The following PTPN21 variants were observed in gnomAD, a reference collection of about 807,000 sequenced individuals.
The protein encoded by PTPN21 is protein tyrosine phosphatase non-receptor type 21.
A neutral mutation model predicts 131.8 loss-of-function variants in PTPN21; 77 were observed. That is an observed-to-expected ratio of 0.58 (90% CI 0.49 to 0.71). The LOEUF (loss-of-function observed/expected upper bound fraction) is 0.71. Among genes scored for constraint, PTPN21 ranks in the 30% least tolerant of loss-of-function variants. The probability of loss-of-function intolerance (pLI) is 0.00; values close to 1 mark genes in which losing one functional copy is unlikely to be tolerated. For synonymous variants in PTPN21, 715 were observed against 621.3 expected, an observed-to-expected ratio of 1.15 and a Z score of -2.24; for missense variants, 1,552 against 1,527.1, an observed-to-expected ratio of 1.02 and a Z score of -0.27.
chr14:88,497,095 A>C, intron 9 of PTPN21, 108 bp downstream of exon 9: 1 of 946,498 alleles, frequency 1.1e-6, no homozygotes, highest in Non-Finnish European at 1.6e-6. Flanking sequence ...ATTACAAAAT[A>C]TTATCATTTT....
chr14:88,532,541 A>C (rs961716191), intron 2 of PTPN21, among the ~76,000 whole-genome samples: 1 of 152,238 alleles, frequency 6.6e-6, no homozygotes, highest in Non-Finnish European at 1.5e-5. Context: ...AGCAATCAAA[A>C]ATACATATTA....
In PTPN21 at chr14:88,550,365, G is replaced by A. The variant is rs1198686248; in HGVS notation, c.53C>T (p.Ser18Phe). The A allele has an allele frequency of 1.2e-6, 2 of 1,614,214 alleles. No individual in the cohort carries two copies. The highest frequency in any genetic ancestry group is 1.7e-6 in the Non-Finnish European group (2 of 1,180,020). ...CCGGGCAACCAGGCAACTCTTGCTGGACACCGTGTAGCGCCGGGTGCGTTT... is the reference window on the plus strand; with the variant it reads ...CCGGGCAACCAGGCAACTCTTGCTGAACACCGTGTAGCGCCGGGTGCGTTT... The part of the protein sequence containing the change: ...KLKRTRRYTV[S>F]SKSCLVARIQ... Residue 18 changes from serine to phenylalanine, a missense_variant, in exon 2 of 19, where the codon TCC (serine) becomes TTC (phenylalanine). Physicochemically the swap from Ser to Phe is radical, Grantham distance 155 (BLOSUM62 -2). This residue lies in a region of PTPN21 where 206 missense variants were observed against 221.6 expected (regional missense o/e 0.93). Coordinates refer to ENST00000556564, the MANE Select transcript of PTPN21 (RefSeq NM_007039.4).
rs146885969 is a variant in PTPN21, at chr14:88,543,655, C to G, written c.180+6583G>C. On this transcript the variant is annotated intron_variant, in intron 2 of 18. Coordinates refer to ENST00000556564, the MANE Select transcript of PTPN21 (RefSeq NM_007039.4). Reference sequence around the variant, plus strand: ...GTCCTACTTTGATGGAGCTTACAGTCTATGGAACAAAAACTTGACATTGTG... The same window carrying G: ...GTCCTACTTTGATGGAGCTTACAGTGTATGGAACAAAAACTTGACATTGTG... Among the ~76,000 whole-genome samples, 169 of 152,256 alleles carry G rather than the reference C, an allele frequency of 1.1e-3. 1 individual carries two copies. The highest frequency in any genetic ancestry group is 1.7e-3 in the Non-Finnish European group (117 of 68,026).
chr14:88,470,081 G>T (rs1309547681), intron 15 of PTPN21, 31 bp from the exon 16 acceptor site: 1 of 1,603,948 alleles, frequency 6.2e-7, no homozygotes, highest in Non-Finnish European at 8.5e-7. Context: ...AAAAATTGAT[G>T]TGTGGGTATA....
chr14:88,543,396 A>C (rs747368366), intron 2 of PTPN21, among the ~76,000 whole-genome samples: 6 of 152,190 alleles, frequency 3.9e-5, no homozygotes, highest in Non-Finnish European at 8.8e-5. Context: ...GAAAAAGAAG[A>C]GTCTAAAGAA....
intron 2 of PTPN21, among the ~76,000 whole-genome samples, chr14:88,537,855 A>C (rs1165703165): frequency 6.6e-6 from 1 of 152,348 alleles, no homozygotes; most frequent in Non-Finnish European, 1.5e-5. Context: ...TACTGCTGCT[A>C]GGCTACAAAC....
intron 2 of PTPN21, among the ~76,000 whole-genome samples, chr14:88,543,537 ACT>A (rs1322867414): frequency 6.6e-6 from 1 of 152,156 alleles, no homozygotes; most frequent in Non-Finnish European, 1.5e-5. Context: ...TCAAAACTAA[ACT>A]CTTAATTTTT....
chr14:88,482,988 G>A (rs780983858), intron 12 of PTPN21, among the ~76,000 whole-genome samples: 3 of 151,862 alleles, frequency 2.0e-5, no homozygotes, highest in Non-Finnish European at 4.4e-5. Flanking sequence ...CAAGGCAGGC[G>A]GATTACGAGG....
At chr14:88,550,156 C>G (rs1456608384) in intron 2 of PTPN21, 82 bp downstream of exon 2, 10 of 1,393,868 alleles carry the variant, frequency 7.2e-6, no homozygotes, top group Non-Finnish European at 9.7e-6. Flanking sequence ...TCAGGTGATC[C>G]ACCAGCCTCG....
At chr14:88,518,963 TTCTC>T (rs947973676) in intron 2 of PTPN21, among the ~76,000 whole-genome samples, 1 of 128,512 alleles carries the variant, frequency 7.8e-6, no homozygotes, top group African/African-American at 2.9e-5. Context: ...TGAAGGTGAA[TTCTC>T]TCTCTCCCTA....
At chr14:88,542,624 C>T (rs1452968887) in intron 2 of PTPN21, among the ~76,000 whole-genome samples, 1 of 152,180 alleles carries the variant, frequency 6.6e-6, no homozygotes, top group Admixed American at 6.5e-5. Flanking sequence ...TCTGCAATAA[C>T]TTGTGATTGT....
intron 10 of PTPN21, among the ~76,000 whole-genome samples, chr14:88,486,672 T>A (rs899547324): frequency 1.3e-5 from 2 of 152,074 alleles, no homozygotes; most frequent in Non-Finnish European, 2.9e-5. Context: ...TTGTTTTGAA[T>A]ATACTTTTTA....
At position 88,469,096 on chromosome 14, in the gene PTPN21, T is replaced by C; in HGVS notation, c.3236-20A>G. 1 of 1,600,564 alleles carries C rather than the reference T, an allele frequency of 6.2e-7. No homozygotes were observed. Among genetic ancestry groups the C allele is most frequent in the Non-Finnish European group, 8.5e-7 (1 of 1,170,142 alleles). On this transcript the variant is annotated intron_variant, in intron 17 of 18. Transcript: ENST00000556564. The surrounding 1 kb of genome is among the most constrained non-coding windows in gnomAD (Gnocchi z 4.3). ...GATATGCTGTGGAAAATCAATGAAATAGAAAAGTACTCAAGGATCAAGGCG... is the reference window on the plus strand; with the variant it reads ...GATATGCTGTGGAAAATCAATGAAACAGAAAAGTACTCAAGGATCAAGGCG...
intron 12 of PTPN21, among the ~76,000 whole-genome samples, chr14:88,483,252 A>C (rs1386286326): frequency 6.6e-6 from 1 of 151,538 alleles, no homozygotes; most frequent in Non-Finnish European, 1.5e-5. Context: ...AAGAAAGCAG[A>C]TCACTCAAAC....
At chr14:88,517,652 G>GTATATATACAGGTGTATATATACA (rs6145435) in intron 2 of PTPN21, among the ~76,000 whole-genome samples, 128,261 of 139,096 alleles carry the variant, frequency 0.92, 59,781 homozygotes, top group Non-Finnish European at 0.99. Context: ...TCATATATAT[G>GTATATATACAGGTGTATATATACA]TATATATACA....
intron 2 of PTPN21, among the ~76,000 whole-genome samples, chr14:88,540,576 T>C (rs1010825579): frequency 6.6e-6 from 1 of 152,238 alleles, no homozygotes; most frequent in African/African-American, 2.4e-5. Context: ...AAGTTCAATG[T>C]GCTGAAAATT....
rs555007585 is a variant in PTPN21, at chr14:88,537,724, G to C, written c.180+12514C>G. On this transcript the variant is annotated intron_variant, in intron 2 of 18. Coordinates refer to ENST00000556564, the MANE Select transcript of PTPN21 (RefSeq NM_007039.4). ...TTAAAGGGGAAATTTTAGTAGTCAC[G>C]TGTCCCTTAACGATGTGGGAATGCA... 2.6e-5 allele frequency among the ~76,000 whole-genome samples: 4 copies of C among 152,292 alleles called. No homozygotes were observed. The South Asian group carries it at 8.3e-4, about 32-fold the overall frequency.
At chr14:88,549,314 G>A (rs909685676) in intron 2 of PTPN21, among the ~76,000 whole-genome samples, 3 of 152,214 alleles carry the variant, frequency 2.0e-5, no homozygotes, top group Admixed American at 6.5e-5. Context: ...TAGAGATCAG[G>A]ATGACCTTTG....
intron 2 of PTPN21, among the ~76,000 whole-genome samples, chr14:88,525,140 T>A (rs1441493836): frequency 6.6e-6 from 1 of 152,010 alleles, no homozygotes; most frequent in South Asian, 2.1e-4. Context: ...TTCAAGTGGC[T>A]GAGGTGGAAG....
Sources: allele counts gnomAD v4.1 joint callset (sites outside exome capture counted in the v4.1 genomes callset), GRCh38; gene constraint gnomAD v4.1.1; regional missense constraint gnomAD v4.1.1; non-coding constraint Gnocchi (gnomAD v3.1); transcripts MANE v1.5; gene names NCBI Gene and HGNC (gene_info 2026-07-23, HGNC 2026-07-21).